Variants in MYO16 observed in about 807,000 individuals in gnomAD.
MYO16 encodes the protein unconventional myosin-XVI.
Under a neutral mutation model 205.3 loss-of-function variants are expected in MYO16, and 94 were observed. The ratio of observed to expected loss-of-function variants is 0.46; its 90% CI spans 0.39 to 0.54. MYO16 has a LOEUF of 0.54. Among genes scored for constraint, MYO16 ranks in the 20% least tolerant of loss-of-function variants. MYO16 has a pLI of 0.00. For synonymous variants in MYO16, 988 were observed against 954.0 expected (o/e 1.04, Z -0.66); for missense variants, 2,315 against 2,387.5 (o/e 0.97, Z 0.63).
In MYO16 at chr13:109,187,315, A is replaced by AT. The variant is rs559968815; in HGVS notation, c.5415+7689dup. ...AGCTAGAAGTCTATCAATTCTATTG[A>AT]TTTTTTTAAAGTAGCTTTTGATTTC... On this transcript the variant is annotated intron_variant, in intron 34 of 34. Transcript: ENST00000457511. Among the ~76,000 whole-genome samples the AT allele has an allele frequency of 3.0e-3, 457 of 152,156 alleles. 2 individuals carry two copies. The highest frequency in any genetic ancestry group is 0.01 in the African/African-American group (433 of 41,526).
chr13:108,895,073 A>G (rs1345353791), intron 14 of MYO16, among the ~76,000 whole-genome samples: 1 of 152,216 alleles, frequency 6.6e-6, no homozygotes, highest in African/African-American at 2.4e-5. Flanking sequence ...GTTGATATCG[A>G]TTGAGTTAAT....
At chr13:108,774,524 T>C (rs1335687537) in intron 4 of MYO16, among the ~76,000 whole-genome samples, 2 of 152,336 alleles carry the variant, frequency 1.3e-5, no homozygotes, top group African/African-American at 4.8e-5. Flanking sequence ...TTAATTTTAT[T>C]TCTCTGATGA....
intron 6 of MYO16, among the ~76,000 whole-genome samples, chr13:108,799,992 T>C (rs1325519003): frequency 6.6e-6 from 1 of 152,132 alleles, no homozygotes; most frequent in East Asian, 1.9e-4. Context: ...TTGTGAGAAT[T>C]TGGGGGTGTT....
At chr13:108,611,462 C>G (rs568173159) in intron 1 of MYO16, among the ~76,000 whole-genome samples, 1 of 152,242 alleles carries the variant, frequency 6.6e-6, no homozygotes, top group African/African-American at 2.4e-5. Context: ...TTATGTTTTA[C>G]CATCTGCCTC....
intron 27 of MYO16, among the ~76,000 whole-genome samples, chr13:109,070,015 G>A (rs1430919289): frequency 6.6e-6 from 1 of 152,160 alleles, no homozygotes; most frequent in African/African-American, 2.4e-5. Context: ...TCTGTCTCTA[G>A]TCTTCAGAGC....
At chr13:109,008,112 A>G (rs754904621) in intron 21 of MYO16, among the ~76,000 whole-genome samples, 3 of 152,238 alleles carry the variant, frequency 2.0e-5, no homozygotes, top group Non-Finnish European at 2.9e-5. Context: ...ATGGTATCAG[A>G]TATACTTGAT....
At chr13:108,591,211 G>C (rs1273409081), upstream of MYO16, among the ~76,000 whole-genome samples, 1 of 152,184 alleles carries the variant, frequency 6.6e-6, no homozygotes, top group East Asian at 1.9e-4. Context: ...CTGTCCTGCA[G>C]TCTGAGAAGC....
At chr13:108,728,523 C>G (rs1295950817) in intron 4 of MYO16, among the ~76,000 whole-genome samples, 2 of 152,176 alleles carry the variant, frequency 1.3e-5, no homozygotes, top group East Asian at 1.9e-4. Context: ...CCGTGCTCCC[C>G]CTGTAGGCCC....
intron 5 of MYO16, among the ~76,000 whole-genome samples, chr13:108,792,491 T>G (rs2138942015): frequency 6.7e-6 from 1 of 148,924 alleles, no homozygotes; most frequent in East Asian, 2.0e-4. Flanking sequence ...ATTCATAGTT[T>G]TCCAGTTTTT....
At chr13:108,685,078 A>G (rs1419010926) in intron 2 of MYO16, among the ~76,000 whole-genome samples, 1 of 147,774 alleles carries the variant, frequency 6.8e-6, no homozygotes, top group East Asian at 2.0e-4. Context: ...GCTGGAGTGC[A>G]GTGACACGAT....
At chr13:108,829,667 G>A (rs1466144724) in intron 9 of MYO16, among the ~76,000 whole-genome samples, 1 of 152,264 alleles carries the variant, frequency 6.6e-6, no homozygotes, top group Admixed American at 6.5e-5. Flanking sequence ...GCAGGGCTGA[G>A]GGCCACAGGA....
At chr13:109,099,946 C>T (rs1451882947) in intron 27 of MYO16, among the ~76,000 whole-genome samples, 1 of 152,204 alleles carries the variant, frequency 6.6e-6, no homozygotes, top group Non-Finnish European at 1.5e-5. Flanking sequence ...ATGACTTCAG[C>T]TTTGGCATTG....
At chr13:108,639,527 G>A (rs889504679) in intron 1 of MYO16, among the ~76,000 whole-genome samples, 2 of 152,148 alleles carry the variant, frequency 1.3e-5, no homozygotes, top group East Asian at 3.9e-4. Flanking sequence ...CTGAATCTAT[G>A]CTCTTCCTTC....
chr13:109,180,170 A>C (rs903781000), intron 34 of MYO16, among the ~76,000 whole-genome samples: 5 of 152,176 alleles, frequency 3.3e-5, no homozygotes, highest in Non-Finnish European at 7.3e-5. Flanking sequence ...TTGGAGGTGC[A>C]TTACTGATTG....
At chr13:109,089,863 C>G (rs1050914690) in intron 27 of MYO16, among the ~76,000 whole-genome samples, 1 of 152,114 alleles carries the variant, frequency 6.6e-6, no homozygotes, top group Non-Finnish European at 1.5e-5. Flanking sequence ...TTTTCCCTCA[C>G]GCTCCATTTT....
chr13:108,907,509 C>G (rs1178663474), intron 15 of MYO16, among the ~76,000 whole-genome samples: 2 of 152,136 alleles, frequency 1.3e-5, no homozygotes, highest in Non-Finnish European at 2.9e-5. Flanking sequence ...CATCATACTC[C>G]TTCCATTTTT....
chr13:108,705,185 C>G (rs1425799971), intron 2 of MYO16, among the ~76,000 whole-genome samples: 1 of 152,194 alleles, frequency 6.6e-6, no homozygotes, highest in Non-Finnish European at 1.5e-5. Flanking sequence ...TCACTCCATT[C>G]CATCTGGGAC....
At chr13:108,594,547 C>T (rs534941949), upstream of MYO16, among the ~76,000 whole-genome samples, 2 of 152,292 alleles carry the variant, frequency 1.3e-5, no homozygotes, top group Non-Finnish European at 2.9e-5. Flanking sequence ...ATTACATGGC[C>T]ATCTTTTAAC....
chr13:108,600,336 T>G (rs1472924539), intron 1 of MYO16, among the ~76,000 whole-genome samples: 1 of 152,206 alleles, frequency 6.6e-6, no homozygotes, highest in East Asian at 1.9e-4. Flanking sequence ...TTGTATGAAA[T>G]GTGGGTAATT....
Sources: gnomAD v4.1 joint callset for allele counts (sites outside exome capture counted in the v4.1 genomes callset) on GRCh38, gnomAD v4.1.1 for gene constraint, MANE v1.5 for transcripts, NCBI Gene and HGNC (gene_info 2026-07-23, HGNC 2026-07-21) for gene names.